The following CHD1L variants were observed in gnomAD, a reference collection of about 807,000 sequenced individuals.
CHD1L encodes ATP-dependent chromatin remodeler CHD1L.
In CHD1L, 118 loss-of-function variants were observed where a neutral mutation model predicts 115.9. The ratio of observed to expected loss-of-function variants is 1.02; its 90% CI spans 0.88 to 1.19. CHD1L has a LOEUF of 1.19. CHD1L is among the 50% of genes most tolerant of loss of function. CHD1L has a pLI of 0.00. For synonymous variants in CHD1L, 411 were observed against 387.1 expected (o/e 1.06, Z -0.72); for missense variants, 1,179 against 1,065.3 (o/e 1.11, Z -1.49).
the CHD1L span, chr1:147,190,400 C>CCA: frequency 3.6e-6 from 2 of 562,358 alleles, no homozygotes; most frequent in Non-Finnish European, 6.3e-6. Flanking sequence ...CACCTTACCA[C>CCA]CACCACAATA....
intron 7 of CHD1L, among the ~76,000 whole-genome samples, 176 bp downstream of exon 7, chr1:147,264,760 C>T (rs781815845): frequency 2.0e-4 from 30 of 152,168 alleles, no homozygotes; most frequent in Admixed American, 2.6e-4. Flanking sequence ...CAGTTGTCTG[C>T]TGTTCATGCC....
At chr1:147,231,040 T>C in the CHD1L span, among the ~76,000 whole-genome samples, 2 of 152,326 alleles carry the variant, frequency 1.3e-5, no homozygotes, top group South Asian at 4.1e-4. Flanking sequence ...ATTTCTTGCC[T>C]TCTGCTAGCT....
At chr1:147,220,405 A>G in the CHD1L span, among the ~76,000 whole-genome samples, 1 of 152,222 alleles carries the variant, frequency 6.6e-6, no homozygotes, top group East Asian at 1.9e-4. Context: ...AATCTCAATC[A>G]ACATCCCAGC....
chr1:147,180,953 G>A, the CHD1L span, among the ~76,000 whole-genome samples: 5,605 of 152,262 alleles, frequency 0.037, 147 homozygotes, highest in South Asian at 0.095. Flanking sequence ...TGCCTCAAGG[G>A]CCACATTTTG....
chr1:147,280,025 G>A lies in CHD1L; in HGVS notation c.1540-1G>A. ...GGACTTTTTTGTTTCCTCTATTCAA[G>A]TTGAGTGAGATACTCAAATTTGGTT... On this transcript the variant is annotated splice_acceptor_variant, in intron 14 of 22. Coordinates refer to ENST00000369258, the MANE Select transcript of CHD1L (RefSeq NM_004284.6). LOFTEE classifies it high-confidence loss of function. 2.5e-6 allele frequency: 4 copies of A among 1,613,710 alleles called. No homozygotes were observed. The highest frequency in any genetic ancestry group is 3.4e-6 in the Non-Finnish European group (4 of 1,179,960).
chr1:147,196,369 G>A, the CHD1L span, among the ~76,000 whole-genome samples: 1 of 151,952 alleles, frequency 6.6e-6, no homozygotes, highest in Non-Finnish European at 1.5e-5. Context: ...CAAAATAAGC[G>A]TTTTGAGAGT....
the CHD1L span, chr1:147,215,817 C>T: frequency 1.9e-6 from 3 of 1,613,638 alleles, no homozygotes; most frequent in Admixed American, 5.0e-5. Context: ...ACTCCAGGAC[C>T]TGGGCATTAT....
chr1:147,289,292 A>G (rs1010463228), intron 19 of CHD1L, among the ~76,000 whole-genome samples: 1 of 152,154 alleles, frequency 6.6e-6, no homozygotes, highest in Non-Finnish European at 1.5e-5. Flanking sequence ...AAACACCTCT[A>G]CTTAGGACTT....
chr1:147,255,702 T>A, intron 3 of CHD1L, 111 bp from the exon 4 acceptor site: 2 of 662,724 alleles, frequency 3.0e-6, no homozygotes, highest in South Asian at 2.5e-5. Flanking sequence ...TTGTAGGACC[T>A]CATGAGTTCT....
chr1:147,250,328 T>A (rs12402309), intron 1 of CHD1L, among the ~76,000 whole-genome samples: 16,927 of 152,200 alleles, frequency 0.11, 1,043 homozygotes, highest in East Asian at 0.16. Flanking sequence ...GCATTTTTTT[T>A]AAATCATGTT....
At chr1:147,175,541 G>C in the CHD1L span, 2 of 152,140 alleles carry the variant, frequency 1.3e-5, no homozygotes, top group African/African-American at 4.8e-5. Context: ...GGTTTTAAAA[G>C]TGTTTGGCAG....
At chr1:147,193,544 T>G in the CHD1L span, among the ~76,000 whole-genome samples, 6 of 152,174 alleles carry the variant, frequency 3.9e-5, no homozygotes, top group African/African-American at 4.8e-5. Flanking sequence ...CTTGCCTTCT[T>G]CTAGCTTTTG....
At chr1:147,204,439 C>G in the CHD1L span, 1 of 1,245,982 alleles carries the variant, frequency 8.0e-7, no homozygotes, top group Admixed American at 1.7e-5. Flanking sequence ...TACAGAGGTA[C>G]GAAGTAGAGA....
upstream of CHD1L, among the ~76,000 whole-genome samples, chr1:147,242,285 C>T (rs868913042): frequency 2.6e-5 from 4 of 152,220 alleles, no homozygotes; most frequent in Admixed American, 2.6e-4. Context: ...ACAGTTTGAT[C>T]TTATCGTGAA....
At chr1:147,190,308 A>G in the CHD1L span, 2 of 1,047,076 alleles carry the variant, frequency 1.9e-6, no homozygotes, top group Admixed American at 1.8e-5. Context: ...CAATAATCCT[A>G]TAAACAATTA....
At chr1:147,258,957 C>CT (rs1229871614) in intron 5 of CHD1L, 1 of 152,002 alleles carries the variant, frequency 6.6e-6, no homozygotes, top group African/African-American at 2.4e-5. Context: ...ATATTTATAT[C>CT]TTTTTTATTA....
At chr1:147,256,032 T>C (rs1670002777) in intron 4 of CHD1L, 105 bp downstream of exon 4, 2 of 666,916 alleles carry the variant, frequency 3.0e-6, no homozygotes, top group African/African-American at 3.6e-5. Context: ...CACACTTTTC[T>C]GGGCAGGGAG....
intron 20 of CHD1L, among the ~76,000 whole-genome samples, chr1:147,293,108 G>C (rs1192888643): frequency 6.6e-6 from 1 of 151,566 alleles, no homozygotes; most frequent in African/African-American, 2.4e-5. Context: ...TGTCATCCCG[G>C]AAGCTCCCTT....
At chr1:147,216,285 G>T in the CHD1L span, among the ~76,000 whole-genome samples, 1 of 152,178 alleles carries the variant, frequency 6.6e-6, no homozygotes, top group African/African-American at 2.4e-5. Context: ...GCTTGAGGAA[G>T]TCCAGCCTCA....
Sources: gnomAD v4.1 joint callset for allele counts (sites outside exome capture counted in the v4.1 genomes callset) on GRCh38, gnomAD v4.1.1 for gene constraint, MANE v1.5 for transcripts, NCBI Gene and HGNC (gene_info 2026-07-23, HGNC 2026-07-21) for gene names.